RALGDS: variants seen among roughly 807,000 people sequenced by gnomAD.
RALGDS encodes the protein ral guanine nucleotide exchange factor.
A neutral mutation model predicts 99.8 loss-of-function variants in RALGDS; 44 were observed. The ratio of observed to expected loss-of-function variants is 0.44; its 90% CI spans 0.35 to 0.57. The LOEUF (loss-of-function observed/expected upper bound fraction) is 0.57. Among genes scored for constraint, RALGDS ranks in the 20% least tolerant of loss-of-function variants. RALGDS has a pLI of 0.01. For missense variants in RALGDS, 1,022 were observed against 1,203.1 expected (o/e 0.85, Z 2.23); for synonymous variants, 529 against 505.0 (o/e 1.05, Z -0.64).
rs764281407 is a variant in RALGDS, at chr9:133,101,670, G to A, written c.2304C>T (p.Pro768=). The change falls in exon 16 of 18, where the codon CCC becomes CCT. Residue 768 remains proline, a synonymous_variant. Transcript: ENST00000372050. ...GCTTGTGGGTGCGTGTGGCAGCCAC[G>A]GGCGTGGTGGAGGCTGAGGAGGACG... The part of the protein sequence containing the change: ...STSSSSASTT[P]VAATRTHKRS... The A allele has an allele frequency of 6.8e-6, 11 of 1,613,762 alleles. No individual in the cohort carries two copies. The highest frequency in any genetic ancestry group is 4.5e-5 in the East Asian group (2 of 44,898).
rs1830610012 is a variant in RALGDS at position 133,098,781 on chromosome 9, G to A, written c.2570-19C>T. On this transcript the variant is annotated intron_variant, in intron 17 of 17. Transcript: ENST00000372050. ...TTCAGCTCTGGTGGGGAGGGGCAGAGGGGTGATCAGGGATGCTCCTGGGGG... is the reference window on the plus strand; with the variant it reads ...TTCAGCTCTGGTGGGGAGGGGCAGAAGGGTGATCAGGGATGCTCCTGGGGG... The A allele has an allele frequency of 1.9e-6, 3 of 1,613,102 alleles. No individual in the cohort carries two copies. Among genetic ancestry groups the A allele is most frequent in the African/African-American group, 1.3e-5 (1 of 74,890 alleles).
intron 2 of RALGDS, among the ~76,000 whole-genome samples, 173 bp downstream of exon 2, chr9:133,111,869 C>T (rs886336548): frequency 1.3e-5 from 2 of 152,074 alleles, no homozygotes; most frequent in Non-Finnish European, 2.9e-5. Context: ...GGCTGCACAC[C>T]CGGGGAAGGG....
Position 133,101,003 on chromosome 9 carries a change from T to C in RALGDS, c.2454+517A>G, listed in dbSNP as rs1319469428. 1.0e-5 allele frequency: 11 copies of C among 1,054,746 alleles called. No homozygotes were observed. The African/African-American group carries it at 1.7e-4, about 16-fold the overall frequency. 65.3% of individuals were successfully genotyped at this position (1,054,746 alleles called of 1,614,324 possible). On this transcript the variant is annotated intron_variant, in intron 16 of 17. Coordinates refer to ENST00000372050, the MANE Select transcript of RALGDS (RefSeq NM_006266.4). Reference sequence around the variant, plus strand: ...CATCTGTCGCAGGACACCTGGAGGATGAAGAAAGAGCCCCCAGGCAAACCC... The same window carrying C: ...CATCTGTCGCAGGACACCTGGAGGACGAAGAAAGAGCCCCCAGGCAAACCC...
At chr9:133,135,665 C>A (rs1832414311), upstream of RALGDS, among the ~76,000 whole-genome samples, 1 of 152,216 alleles carries the variant, frequency 6.6e-6, no homozygotes, top group Non-Finnish European at 1.5e-5. Flanking sequence ...CCTGTCACTT[C>A]CTGGCTGGGT....
chr9:133,122,119 C>G (rs1346111988), upstream of RALGDS, among the ~76,000 whole-genome samples: 1 of 152,198 alleles, frequency 6.6e-6, no homozygotes, highest in East Asian at 1.9e-4. Context: ...GCTGGGGCTG[C>G]TTGTGGCTTG....
chr9:133,101,775 G>T lies in RALGDS; in HGVS notation c.2212-13C>A, dbSNP rs770232517. On this transcript the variant is annotated splice_polypyrimidine_tract_variant and intron_variant, in intron 15 of 17. Transcript: ENST00000372050. ...CTGATTCCCAGAACTGAGGGAGACG[G>T]TAAGATCAGCAGATCCCACTGCCCT... The T allele has an allele frequency of 2.5e-6, 4 of 1,593,200 alleles. No individual in the cohort carries two copies. The Admixed American group carries it at 5.4e-5, about 21-fold the overall frequency.
chr9:133,129,810 CTTTTT>C (rs35514711), intron 1 of RALGDS, among the ~76,000 whole-genome samples: 1 of 129,654 alleles, frequency 7.7e-6, no homozygotes, highest in Non-Finnish European at 1.6e-5. Flanking sequence ...TTCCTTTCTT[CTTTTT>C]TTTTTTTTTT....
chr9:133,112,178 G>A (rs1433675689), intron 1 of RALGDS, 26 bp from the exon 2 acceptor site: 3 of 1,522,710 alleles, frequency 2.0e-6, no homozygotes, highest in South Asian at 1.2e-5. Flanking sequence ...CCGGCAGCCG[G>A]GCGCGGGGAC....
At chr9:133,104,184 C>A in intron 10 of RALGDS, 79 bp downstream of exon 10, 1 of 1,441,694 alleles carries the variant, frequency 6.9e-7, no homozygotes, top group Non-Finnish European at 9.7e-7. Flanking sequence ...CCCATAGGCA[C>A]CGTGGCTAGA....
intron 14 of RALGDS, 60 bp from the exon 15 acceptor site, chr9:133,102,199 C>G: frequency 6.6e-7 from 1 of 1,506,178 alleles, no homozygotes; most frequent in Non-Finnish European, 9.0e-7. Context: ...AACCCCACAG[C>G]CCCTGCACCC....
At chr9:133,109,582 C>A (rs779587989) in intron 4 of RALGDS, 44 bp downstream of exon 4, 4 of 1,534,778 alleles carry the variant, frequency 2.6e-6, no homozygotes, top group South Asian at 1.1e-5. Context: ...TCCCACTGTT[C>A]GGTGGGGACA....
At chr9:133,130,817 T>C in intron 1 of RALGDS, 1 of 818,886 alleles carries the variant, frequency 1.2e-6, no homozygotes, top group Non-Finnish European at 1.9e-6. Context: ...GAAAAGTGTC[T>C]GTCCAGCTGC....
chr9:133,134,177 G>A (rs866417234), upstream of RALGDS, among the ~76,000 whole-genome samples: 14 of 152,172 alleles, frequency 9.2e-5, no homozygotes, highest in Admixed American at 2.0e-4. Context: ...TGCTGTGGTC[G>A]TGCAGGAGAC....
chr9:133,131,007 C>G, exon 1 of RALGDS: 1 of 1,535,572 alleles, frequency 6.5e-7, no homozygotes, highest in South Asian at 1.2e-5. Context: ...GTGGAGGGCA[C>G]AGGGCAGGGA....
At chr9:133,137,139 G>A (rs897328405) in intron 1 of RALGDS, among the ~76,000 whole-genome samples, 19 of 151,596 alleles carry the variant, frequency 1.3e-4, no homozygotes, top group Non-Finnish European at 2.2e-4. Context: ...AGGCTGAAGC[G>A]GGAGAACCAC....
chr9:133,115,507 C>CCCCT (rs1201767118), intron 1 of RALGDS, among the ~76,000 whole-genome samples: 2 of 152,156 alleles, frequency 1.3e-5, no homozygotes, highest in Non-Finnish European at 2.9e-5. Flanking sequence ...GCTTGCCACC[C>CCCCT]CCCTGCCAGC....
At chr9:133,103,324 C>T (rs1588512730) in intron 11 of RALGDS, 62 bp from the exon 12 acceptor site, 61 of 1,600,032 alleles carry the variant, frequency 3.8e-5, no homozygotes, top group Non-Finnish European at 5.2e-5. Context: ...AGTCTCCCCA[C>T]CTCATGCTGC....
intron 1 of RALGDS, chr9:133,148,933 G>T (rs371271092): frequency 2.5e-6 from 4 of 1,601,074 alleles, no homozygotes; most frequent in Non-Finnish European, 3.4e-6. Context: ...CTCCACCCGC[G>T]ACGCGAGGCT....
upstream of RALGDS, among the ~76,000 whole-genome samples, chr9:133,134,627 C>T (rs1163439869): frequency 6.6e-6 from 1 of 152,170 alleles, no homozygotes; most frequent in Non-Finnish European, 1.5e-5. Context: ...TTGTTCCAGG[C>T]AGCACACAGA....
Sources: gnomAD v4.1 joint callset for allele counts (sites outside exome capture counted in the v4.1 genomes callset) on GRCh38, gnomAD v4.1.1 for gene constraint, MANE v1.5 for transcripts, NCBI Gene and HGNC (gene_info 2026-07-23, HGNC 2026-07-21) for gene names.